PAM: variants seen among roughly 807,000 people sequenced by gnomAD.
PAM encodes peptidylglycine alpha-amidating monooxygenase, also known as peptidyl-glycine alpha-amidating monooxygenase.
Under a neutral mutation model 122.1 loss-of-function variants are expected in PAM, and 72 were observed. The ratio of observed to expected loss-of-function variants is 0.59; its 90% CI spans 0.49 to 0.72. The LOEUF (loss-of-function observed/expected upper bound fraction) is 0.72. Ranked by LOEUF, PAM falls within the 30% of genes least tolerant of loss-of-function variation. The pLI is 0.00. For missense variants in PAM, 1,106 were observed against 1,183.7 expected, an observed-to-expected ratio of 0.93 and a Z score of 0.96; for synonymous variants, 389 against 404.4, an observed-to-expected ratio of 0.96 and a Z score of 0.46.
At chr5:102,951,543 T>C (rs1758897269) in intron 12 of PAM, among the ~76,000 whole-genome samples, 1 of 152,062 alleles carries the variant, frequency 6.6e-6, no homozygotes, top group Non-Finnish European at 1.5e-5. Context: ...TTTTAAACCA[T>C]TTATGTCGTA....
At chr5:102,864,847 T>A (rs1223224313) in intron 1 of PAM, among the ~76,000 whole-genome samples, 1 of 152,252 alleles carries the variant, frequency 6.6e-6, no homozygotes, top group Non-Finnish European at 1.5e-5. Context: ...AATTTATGCC[T>A]TCAGACTAAA....
At chr5:102,780,033 A>G (rs1758298218) in intron 1 of PAM, among the ~76,000 whole-genome samples, 1 of 151,318 alleles carries the variant, frequency 6.6e-6, no homozygotes, top group Non-Finnish European at 1.5e-5. Context: ...AGAAACAAAT[A>G]ATTTATAAGT....
chr5:102,814,377 C>G (rs1330311071), intron 1 of PAM, among the ~76,000 whole-genome samples: 1 of 152,002 alleles, frequency 6.6e-6, no homozygotes, highest in Non-Finnish European at 1.5e-5. Flanking sequence ...CTTCTTCAAT[C>G]AGAATACAAT....
At chr5:102,996,380 G>A (rs915835739) in intron 16 of PAM, among the ~76,000 whole-genome samples, 4 of 152,180 alleles carry the variant, frequency 2.6e-5, no homozygotes, top group Non-Finnish European at 5.9e-5. Flanking sequence ...ATGTGGAGTA[G>A]CTGCTTTAGA....
At chr5:102,763,769 C>T (rs1431588191) in intron 1 of PAM, among the ~76,000 whole-genome samples, 8 of 152,182 alleles carry the variant, frequency 5.3e-5, no homozygotes, top group Non-Finnish European at 1.2e-4. Flanking sequence ...AGAAGAGCTA[C>T]TGTGAGGCTG....
intron 1 of PAM, among the ~76,000 whole-genome samples, chr5:102,758,154 C>T (rs541518197): frequency 7.8e-6 from 1 of 128,640 alleles, no homozygotes; most frequent in African/African-American, 3.0e-5. Flanking sequence ...AAAGATTGAC[C>T]AGGGATCTTG....
At chr5:102,956,695 A>C (rs191888909) in intron 12 of PAM, among the ~76,000 whole-genome samples, 18 of 152,122 alleles carry the variant, frequency 1.2e-4, no homozygotes, top group Admixed American at 1.2e-3. Context: ...ATTACGATCT[A>C]TAATTTTCTT....
intron 15 of PAM, among the ~76,000 whole-genome samples, chr5:102,982,936 TAGAAG>T (rs1361679818): frequency 1.3e-5 from 2 of 151,786 alleles, no homozygotes; most frequent in African/African-American, 2.4e-5. Context: ...CTCAGTAAAA[TAGAAG>T]AGAACACAGA....
chr5:102,932,653 A>G (rs1039837779), intron 7 of PAM, among the ~76,000 whole-genome samples: 3 of 148,754 alleles, frequency 2.0e-5, no homozygotes, highest in Admixed American at 6.7e-5. Flanking sequence ...AAATAAATAA[A>G]TATATATATA....
chr5:102,814,686 A>C (rs1769151195), intron 1 of PAM, among the ~76,000 whole-genome samples: 1 of 151,450 alleles, frequency 6.6e-6, no homozygotes, highest in African/African-American at 2.4e-5. Context: ...ATTTTTGCCA[A>C]GCAGCAAATT....
At position 102,779,471 on chromosome 5, in the gene PAM, A is replaced by C. The variant is rs562996970; in HGVS notation, c.-374+24123A>C. On this transcript the variant is annotated intron_variant, in intron 1 of 25. Coordinates refer to ENST00000438793, the MANE Select transcript of PAM (RefSeq NM_001177306.2). ...TCTTTGTTATATTGACCACTCAGATAAAGTATTCCCCCCCTTATCTGTGGT... is the reference window on the plus strand; with the variant it reads ...TCTTTGTTATATTGACCACTCAGATCAAGTATTCCCCCCCTTATCTGTGGT... Among the ~76,000 whole-genome samples the C allele has an allele frequency of 6.0e-4, 91 of 151,854 alleles. 1 individual carries two copies. The highest frequency in any genetic ancestry group is 2.1e-3 in the African/African-American group (88 of 41,178).
intron 1 of PAM, among the ~76,000 whole-genome samples, chr5:102,835,497 C>T (rs960481370): frequency 1.3e-5 from 2 of 151,916 alleles, no homozygotes; most frequent in Non-Finnish European, 2.9e-5. Context: ...TTAAATTCAC[C>T]TTTTCTTTTT....
At chr5:102,938,898 C>T (rs1754162584) in intron 7 of PAM, among the ~76,000 whole-genome samples, 1 of 152,058 alleles carries the variant, frequency 6.6e-6, no homozygotes, top group African/African-American at 2.4e-5. Flanking sequence ...CACGCTGTTC[C>T]CCACTGCTCT....
intron 1 of PAM, among the ~76,000 whole-genome samples, chr5:102,793,350 C>T (rs933824869): frequency 2.7e-5 from 4 of 149,788 alleles, no homozygotes; most frequent in Non-Finnish European, 4.5e-5. Flanking sequence ...ATAGGGAGAC[C>T]CCTGTCTCTT....
intron 15 of PAM, among the ~76,000 whole-genome samples, chr5:102,980,150 C>A (rs1769260876): frequency 6.6e-6 from 1 of 152,048 alleles, no homozygotes; most frequent in East Asian, 1.9e-4. Context: ...TGAAATAATT[C>A]TATCATTTGC....
chr5:102,847,758 T>C (rs1373179673), intron 1 of PAM, among the ~76,000 whole-genome samples: 1 of 152,152 alleles, frequency 6.6e-6, no homozygotes, highest in Non-Finnish European at 1.5e-5. Flanking sequence ...GGAAAACTTA[T>C]TTAGGTGGAA....
At chr5:102,870,571 A>G (rs1417991473) in intron 3 of PAM, among the ~76,000 whole-genome samples, 1 of 152,220 alleles carries the variant, frequency 6.6e-6, no homozygotes, top group East Asian at 1.9e-4. Flanking sequence ...GTGGTTTATT[A>G]TCTGTTGCAA....
intron 1 of PAM, among the ~76,000 whole-genome samples, chr5:102,758,068 ATTTTGTTTTTTTTTTTTT>A (rs1280966687): frequency 0.011 from 950 of 87,630 alleles, 22 homozygotes; most frequent in African/African-American, 0.025. Context: ...AAGACTTAGA[ATTTTGTTTTTTTTTTTTT>A]TTTTTTTTTT....
chr5:102,841,746 A>G (rs550770285), intron 1 of PAM, among the ~76,000 whole-genome samples: 2 of 152,346 alleles, frequency 1.3e-5, no homozygotes, highest in Admixed American at 6.5e-5. Context: ...ATATAGATTC[A>G]TTAATTTATT....
Sources: gnomAD v4.1 joint callset for allele counts (sites outside exome capture counted in the v4.1 genomes callset) on GRCh38, gnomAD v4.1.1 for gene constraint, MANE v1.5 for transcripts, NCBI Gene and HGNC (gene_info 2026-07-23, HGNC 2026-07-21) for gene names.